SGCD: variants seen among roughly 807,000 people sequenced by gnomAD.
SGCD encodes the protein delta-sarcoglycan.
A neutral mutation model predicts 36.6 loss-of-function variants in SGCD; 18 were observed. That is an observed-to-expected ratio of 0.49 (90% CI 0.34 to 0.73). The LOEUF (loss-of-function observed/expected upper bound fraction) is 0.73. SGCD is among the 30% of genes least tolerant of loss of function. SGCD has a pLI of 0.01. For missense variants in SGCD, 387 were observed against 346.7 expected (o/e 1.12, Z -0.92); for synonymous variants, 133 against 130.6 (o/e 1.02, Z -0.12).
At chr5:156,030,707 G>A (rs531119156) in intron 1 of SGCD, among the ~76,000 whole-genome samples, 21 of 152,268 alleles carry the variant, frequency 1.4e-4, no homozygotes, top group Non-Finnish European at 2.6e-4. Context: ...CATTTCCATA[G>A]GGGGTTGTGG....
chr5:155,759,425 C>T, the SGCD span, among the ~76,000 whole-genome samples: 1 of 152,050 alleles, frequency 6.6e-6, no homozygotes, highest in South Asian at 2.1e-4. Flanking sequence ...ATGTAACTTT[C>T]TACATAGATG....
intron 1 of SGCD, among the ~76,000 whole-genome samples, chr5:156,098,420 G>T (rs375357252): frequency 3.3e-5 from 5 of 152,128 alleles, no homozygotes; most frequent in Admixed American, 1.3e-4. Flanking sequence ...ATGCCTATTT[G>T]CTTAGAAGCA....
intron 3 of SGCD, among the ~76,000 whole-genome samples, chr5:156,386,561 T>C (rs1377288971): frequency 6.6e-6 from 1 of 152,228 alleles, no homozygotes; most frequent in African/African-American, 2.4e-5. Context: ...GGAAATTCAG[T>C]TTCTCAACTG....
chr5:156,377,633 G>A (rs1057446180), intron 3 of SGCD, among the ~76,000 whole-genome samples: 1 of 152,126 alleles, frequency 6.6e-6, no homozygotes. Flanking sequence ...AATAAAGCCA[G>A]CAGTGCACTT....
At chr5:156,677,430 A>C (rs1017541266) in intron 7 of SGCD, among the ~76,000 whole-genome samples, 4 of 152,094 alleles carry the variant, frequency 2.6e-5, no homozygotes, top group Admixed American at 1.3e-4. Context: ...AAACCAAACT[A>C]TCGCAAGGAC....
At chr5:155,833,263 G>A in the SGCD span, among the ~76,000 whole-genome samples, 6 of 151,596 alleles carry the variant, frequency 4.0e-5, no homozygotes, top group African/African-American at 1.5e-4. Context: ...ATCTTCTAAA[G>A]TTCAGTATAA....
At chr5:155,896,472 C>CA (rs34729768) in intron 1 of SGCD, among the ~76,000 whole-genome samples, 2,710 of 125,076 alleles carry the variant, frequency 0.022, 46 homozygotes, top group South Asian at 0.048. Context: ...CCTGTCTCTA[C>CA]AAAAAAAAAA....
intron 1 of SGCD, among the ~76,000 whole-genome samples, chr5:155,909,523 C>T (rs1756588921): frequency 3.3e-5 from 5 of 152,084 alleles, no homozygotes; most frequent in Admixed American, 2.6e-4. Context: ...CTGCAGATCA[C>T]CAGAATGCCA....
chr5:156,421,284 T>G (rs750711403), intron 3 of SGCD, among the ~76,000 whole-genome samples: 2 of 152,106 alleles, frequency 1.3e-5, no homozygotes, highest in Non-Finnish European at 2.9e-5. Context: ...TTCAAGGATT[T>G]TCTCTTAGAT....
intron 3 of SGCD, among the ~76,000 whole-genome samples, chr5:156,454,758 G>T (rs1254081055): frequency 6.6e-6 from 1 of 152,130 alleles, no homozygotes; most frequent in Non-Finnish European, 1.5e-5. Flanking sequence ...AAGATGGAAT[G>T]AAGGCTCTGA....
intron 6 of SGCD, among the ~76,000 whole-genome samples, chr5:156,597,017 G>A (rs1315939344): frequency 6.6e-6 from 1 of 152,066 alleles, no homozygotes; most frequent in African/African-American, 2.4e-5. Flanking sequence ...GCTTAATGGA[G>A]GCAAAAATGC....
chr5:156,005,048 G>A (rs1395292338), intron 1 of SGCD, among the ~76,000 whole-genome samples: 5 of 152,188 alleles, frequency 3.3e-5, no homozygotes, highest in Admixed American at 3.3e-4. Context: ...CCCCGAAGTA[G>A]GCTAGGAAGA....
At chr5:156,290,139 G>A (rs10077764) in intron 3 of SGCD, among the ~76,000 whole-genome samples, 19,929 of 152,102 alleles carry the variant, frequency 0.13, 3,140 homozygotes, top group African/African-American at 0.38. Context: ...TGAGAGTGCT[G>A]TGGGTCCTTT....
intron 3 of SGCD, among the ~76,000 whole-genome samples, chr5:156,406,018 T>TAAAAAAAAAAAAAAAAAAAA (rs10529406): frequency 1.8e-4 from 19 of 103,968 alleles, no homozygotes; most frequent in East Asian, 7.1e-4. Context: ...TATCTTTGCT[T>TAAAAAAAAAAAAAAAAAAAA]AAAAAAAAAA....
chr5:156,633,143 C>G (rs1561828118), intron 6 of SGCD, among the ~76,000 whole-genome samples: 1 of 152,134 alleles, frequency 6.6e-6, no homozygotes, highest in Non-Finnish European at 1.5e-5. Context: ...CTGCCAGCCC[C>G]AAACCTATGT....
the SGCD span, among the ~76,000 whole-genome samples, chr5:155,783,029 C>T: frequency 6.6e-6 from 1 of 152,118 alleles, no homozygotes; most frequent in African/African-American, 2.4e-5. Context: ...TCATCTGGAA[C>T]TAGAATGACT....
the SGCD span, among the ~76,000 whole-genome samples, chr5:155,771,373 C>T: frequency 4.7e-4 from 71 of 152,118 alleles, no homozygotes; most frequent in Admixed American, 1.6e-3. Context: ...CTCAGCCTCC[C>T]AAGTAGCTAG....
the SGCD span, among the ~76,000 whole-genome samples, chr5:155,779,436 C>CA: frequency 2.2e-4 from 33 of 150,102 alleles, no homozygotes; most frequent in African/African-American, 7.1e-4. Context: ...ATACGCTGTC[C>CA]AAAAAAAACA....
chr5:156,677,935 T>C (rs1345878049), intron 7 of SGCD, among the ~76,000 whole-genome samples: 4 of 152,216 alleles, frequency 2.6e-5, no homozygotes, highest in African/African-American at 4.8e-5. Flanking sequence ...TTTTGCATCA[T>C]GTAATTATTA....
Sources: gnomAD v4.1 joint callset for allele counts (sites outside exome capture counted in the v4.1 genomes callset) on GRCh38, gnomAD v4.1.1 for gene constraint, MANE v1.5 for transcripts, NCBI Gene and HGNC (gene_info 2026-07-23, HGNC 2026-07-21) for gene names.